MAGI2: variants seen among roughly 807,000 people sequenced by gnomAD.
The protein encoded by MAGI2 is membrane-associated guanylate kinase, WW and PDZ domain-containing protein 2.
MAGI2 carries 35 observed loss-of-function variants against 133.3 expected under a neutral mutation model. The observed-to-expected ratio is 0.26, with a 90% CI of 0.20 to 0.35. The LOEUF (loss-of-function observed/expected upper bound fraction) is 0.35. MAGI2 is among the 10% of genes least tolerant of loss of function. MAGI2 has a pLI of 1.00. For synonymous variants in MAGI2, 729 were observed against 710.6 expected, an observed-to-expected ratio of 1.03 and a Z score of -0.41; for missense variants, 1,636 against 1,863.4, an observed-to-expected ratio of 0.88 and a Z score of 2.25.
chr7:78,955,737 CT>C (rs532561087), intron 2 of MAGI2, among the ~76,000 whole-genome samples: 642 of 52,260 alleles, frequency 0.012, 11 homozygotes, highest in African/African-American at 0.038. Flanking sequence ...TTCTTTCTTT[CT>C]TTCTTTCTTT....
At chr7:78,576,074 C>T (rs570229346) in intron 3 of MAGI2, among the ~76,000 whole-genome samples, 1 of 151,708 alleles carries the variant, frequency 6.6e-6, no homozygotes, top group East Asian at 1.9e-4. Context: ...TAAATCTATT[C>T]TAAAATAAAA....
intron 3 of MAGI2, among the ~76,000 whole-genome samples, chr7:78,531,847 A>C (rs913051350): frequency 2.0e-5 from 3 of 152,248 alleles, no homozygotes; most frequent in Non-Finnish European, 2.9e-5. Context: ...TGTCTTGTAA[A>C]TACAATACCC....
intron 1 of MAGI2, among the ~76,000 whole-genome samples, chr7:79,436,053 T>C (rs1848120223): frequency 6.6e-6 from 1 of 152,070 alleles, no homozygotes; most frequent in African/African-American, 2.4e-5. Flanking sequence ...TGCTGAGATA[T>C]TGGCTATCCA....
chr7:78,955,712 T>C (rs1802254445), intron 2 of MAGI2, among the ~76,000 whole-genome samples: 1 of 135,688 alleles, frequency 7.4e-6, no homozygotes, highest in South Asian at 2.4e-4. Context: ...TTTCTTTCTT[T>C]TTCTTTCTTT....
chr7:79,353,520 C>A (rs1841825232), intron 1 of MAGI2: 1 of 454,982 alleles, frequency 2.2e-6, no homozygotes, highest in African/African-American at 2.0e-5. Context: ...TTGGAATCAT[C>A]TCCTGCAGCT....
At chr7:78,495,283 C>G (rs188028760) in intron 5 of MAGI2, among the ~76,000 whole-genome samples, 115 of 152,234 alleles carry the variant, frequency 7.6e-4, no homozygotes, top group African/African-American at 2.7e-3. Context: ...CCCCAACAGG[C>G]CCTGGTGTGT....
chr7:78,893,054 C>T (rs1221176004), intron 2 of MAGI2, among the ~76,000 whole-genome samples: 3 of 151,928 alleles, frequency 2.0e-5, no homozygotes, highest in African/African-American at 7.2e-5. Context: ...ACAACCCCAT[C>T]AAAAAGTGGG....
chr7:78,516,991 G>A (rs1339647164), intron 4 of MAGI2, among the ~76,000 whole-genome samples: 1 of 152,196 alleles, frequency 6.6e-6, no homozygotes, highest in Non-Finnish European at 1.5e-5. Context: ...GAAATGTGTT[G>A]CATTTAAGTT....
intron 21 of MAGI2, among the ~76,000 whole-genome samples, chr7:78,056,439 C>A (rs770994890): frequency 1.8e-4 from 28 of 152,080 alleles, no homozygotes; most frequent in Non-Finnish European, 1.5e-5. Flanking sequence ...CAATGATAGA[C>A]TGGATAAAGA....
chr7:78,735,912 C>T (rs76657329), intron 2 of MAGI2, among the ~76,000 whole-genome samples: 11 of 151,978 alleles, frequency 7.2e-5, no homozygotes, highest in Non-Finnish European at 1.2e-4. Context: ...GAAAGTAGAC[C>T]GAATGTGTGT....
At chr7:78,521,317 A>G (rs776328468) in intron 4 of MAGI2, 113 bp downstream of exon 4, 1 of 643,750 alleles carries the variant, frequency 1.6e-6, no homozygotes, top group Admixed American at 2.7e-5. Context: ...ATATATGTAT[A>G]TATTTATCTT....
chr7:78,326,492 T>A (rs929737734), intron 9 of MAGI2, among the ~76,000 whole-genome samples: 1 of 152,232 alleles, frequency 6.6e-6, no homozygotes, highest in African/African-American at 2.4e-5. Context: ...GAGACTGGTA[T>A]TACACATCCA....
chr7:78,389,406 G>A (rs1005231220), intron 6 of MAGI2, among the ~76,000 whole-genome samples: 6 of 152,126 alleles, frequency 3.9e-5, no homozygotes, highest in Admixed American at 1.3e-4. Flanking sequence ...TGTCTTCTTC[G>A]TGGTGAGAAA....
chr7:79,138,263 C>G (rs539378635), intron 1 of MAGI2, among the ~76,000 whole-genome samples: 1 of 151,936 alleles, frequency 6.6e-6, no homozygotes, highest in Admixed American at 6.6e-5. Flanking sequence ...GGCTCAAGAA[C>G]TCATATTCTC....
intron 1 of MAGI2, among the ~76,000 whole-genome samples, chr7:79,230,350 C>G (rs1831254117): frequency 6.6e-6 from 1 of 152,002 alleles, no homozygotes; most frequent in Admixed American, 6.6e-5. Flanking sequence ...AGTTCTAGAT[C>G]CCTGAGGAAT....
intron 1 of MAGI2, among the ~76,000 whole-genome samples, chr7:79,446,901 GAGA>G (rs1848892336): frequency 6.6e-6 from 1 of 152,082 alleles, no homozygotes; most frequent in South Asian, 2.1e-4. Flanking sequence ...GCAGTGAGCT[GAGA>G]TCACGCCACT....
At chr7:78,068,993 T>C (rs773464979) in intron 21 of MAGI2, among the ~76,000 whole-genome samples, 13 of 152,220 alleles carry the variant, frequency 8.5e-5, no homozygotes, top group Non-Finnish European at 1.6e-4. Flanking sequence ...AAGCCTTTTC[T>C]GGAATCAACA....
At chr7:78,171,866 C>T (rs1263745527) in intron 14 of MAGI2, among the ~76,000 whole-genome samples, 2 of 150,574 alleles carry the variant, frequency 1.3e-5, no homozygotes, top group Non-Finnish European at 2.9e-5. Flanking sequence ...CTCTTCTCTG[C>T]CCCCTTGGAG....
chr7:79,056,928 G>T (rs1813198249), intron 1 of MAGI2, among the ~76,000 whole-genome samples: 1 of 152,076 alleles, frequency 6.6e-6, no homozygotes, highest in South Asian at 2.1e-4. Flanking sequence ...GTTTTTTCTA[G>T]ATATTTTCCT....
Sources: gnomAD v4.1 joint callset for allele counts (sites outside exome capture counted in the v4.1 genomes callset) on GRCh38, gnomAD v4.1.1 for gene constraint, MANE v1.5 for transcripts, NCBI Gene and HGNC (gene_info 2026-07-23, HGNC 2026-07-21) for gene names.